Variants in NELL2 observed in about 807,000 individuals in gnomAD.
NELL2 encodes the protein protein kinase C-binding protein NELL2.
Under a neutral mutation model 109.6 loss-of-function variants are expected in NELL2, and 41 were observed. The ratio of observed to expected loss-of-function variants is 0.37; its 90% CI spans 0.29 to 0.49. NELL2 has a LOEUF of 0.49. Among genes scored for constraint, NELL2 ranks in the 20% least tolerant of loss-of-function variants. The pLI is 0.98. For synonymous variants in NELL2, 355 were observed against 344.7 expected (o/e 1.03, Z -0.33); for missense variants, 900 against 1,008.3 (o/e 0.89, Z 1.45).
At chr12:44,689,992 A>C (rs892689963) in intron 12 of NELL2, among the ~76,000 whole-genome samples, 2 of 152,212 alleles carry the variant, frequency 1.3e-5, no homozygotes, top group African/African-American at 4.8e-5. Flanking sequence ...AAAGACTCAA[A>C]AATAATTTTT....
intron 1 of NELL2, among the ~76,000 whole-genome samples, chr12:44,891,634 C>CT (rs2136869833): frequency 6.6e-6 from 1 of 151,152 alleles, no homozygotes; most frequent in Admixed American, 6.6e-5. Flanking sequence ...TTTTTTCCTC[C>CT]TGTGGGTCAT....
chr12:44,734,855 T>A (rs147535258), intron 9 of NELL2, among the ~76,000 whole-genome samples: 5 of 152,094 alleles, frequency 3.3e-5, no homozygotes, highest in Admixed American at 2.6e-4. Flanking sequence ...TTATAACTAA[T>A]TTTTTCAGCT....
At chr12:44,882,281 G>A (rs1394860019) in intron 1 of NELL2, among the ~76,000 whole-genome samples, 5 of 150,962 alleles carry the variant, frequency 3.3e-5, no homozygotes, top group East Asian at 3.9e-4. Context: ...CCATTGCTGC[G>A]GTAACAAATT....
chr12:44,875,735 G>C, intron 1 of NELL2, 80 bp downstream of exon 1: 2 of 1,609,714 alleles, frequency 1.2e-6, no homozygotes, highest in South Asian at 2.2e-5. Context: ...TCCGGGAAAA[G>C]CGAGGCTTCC....
chr12:44,686,685 C>T (rs188846684), intron 12 of NELL2, among the ~76,000 whole-genome samples: 2,169 of 151,756 alleles, frequency 0.014, 107 homozygotes, highest in African/African-American at 0.05. Flanking sequence ...TGTGAGGTGT[C>T]AGTCTGCCCC....
intron 12 of NELL2, among the ~76,000 whole-genome samples, chr12:44,683,713 G>A (rs1331743027): frequency 6.6e-6 from 1 of 152,102 alleles, no homozygotes; most frequent in Non-Finnish European, 1.5e-5. Flanking sequence ...TTTATATGCT[G>A]GATTACATTT....
chr12:44,694,238 G>A (rs1484527880), intron 12 of NELL2, among the ~76,000 whole-genome samples: 1 of 152,098 alleles, frequency 6.6e-6, no homozygotes, highest in Non-Finnish European at 1.5e-5. Flanking sequence ...ACAATCAATT[G>A]AAGACTTGAA....
At chr12:44,633,280 G>C (rs1288766466) in intron 13 of NELL2, among the ~76,000 whole-genome samples, 1 of 152,060 alleles carries the variant, frequency 6.6e-6, no homozygotes, top group Non-Finnish European at 1.5e-5. Context: ...AGAGAAAAAA[G>C]CCAGTTTACA....
chr12:44,803,046 T>A (rs1271767630), intron 3 of NELL2, among the ~76,000 whole-genome samples: 1 of 152,008 alleles, frequency 6.6e-6, no homozygotes, highest in Non-Finnish European at 1.5e-5. Context: ...GTAGGACAGG[T>A]TGACATAGTG....
chr12:44,682,581 G>C (rs1168762254), intron 12 of NELL2, among the ~76,000 whole-genome samples: 1 of 152,114 alleles, frequency 6.6e-6, no homozygotes, highest in Non-Finnish European at 1.5e-5. Context: ...AATCCATCTT[G>C]AATTGATTTT....
chr12:44,522,264 T>C (rs979700507), intron 17 of NELL2, 88 bp from the exon 18 acceptor site: 2 of 1,141,630 alleles, frequency 1.8e-6, no homozygotes, highest in African/African-American at 3.2e-5. Context: ...TTTCAGATGG[T>C]GACTTGGAAG....
At chr12:44,540,781 CAA>C (rs57205620) in intron 15 of NELL2, among the ~76,000 whole-genome samples, 3 of 49,744 alleles carry the variant, frequency 6.0e-5, no homozygotes, top group East Asian at 8.6e-4. Context: ...GTCTGCAAGC[CAA>C]AAAAAAAAAA....
chr12:44,833,034 G>C (rs1179972335), intron 2 of NELL2, among the ~76,000 whole-genome samples: 1 of 152,200 alleles, frequency 6.6e-6, no homozygotes, highest in Non-Finnish European at 1.5e-5. Context: ...ACCTTCCAGA[G>C]CTAAATGTAA....
At chr12:44,770,882 TATAA>T (rs1941520348) in intron 9 of NELL2, among the ~76,000 whole-genome samples, 2 of 152,094 alleles carry the variant, frequency 1.3e-5, no homozygotes, top group Admixed American at 6.6e-5. Flanking sequence ...CTACAATCAA[TATAA>T]ATAAATAAAT....
intron 2 of NELL2, among the ~76,000 whole-genome samples, chr12:44,839,593 T>C (rs1476145235): frequency 6.6e-6 from 1 of 152,228 alleles, no homozygotes; most frequent in Non-Finnish European, 1.5e-5. Flanking sequence ...AATACTAATA[T>C]GAAATGTGAT....
chr12:44,553,627 T>C (rs1943127829), intron 15 of NELL2, among the ~76,000 whole-genome samples: 1 of 152,186 alleles, frequency 6.6e-6, no homozygotes. Context: ...TTTGAAGGGA[T>C]GGATATTCCA....
At chr12:44,569,287 T>C (rs1009205668) in intron 15 of NELL2, among the ~76,000 whole-genome samples, 1 of 152,184 alleles carries the variant, frequency 6.6e-6, no homozygotes, top group Non-Finnish European at 1.5e-5. Flanking sequence ...CTACCATTAA[T>C]GAGTATTTAG....
chr12:44,893,336 C>T (rs573111002), intron 1 of NELL2, among the ~76,000 whole-genome samples: 5 of 151,822 alleles, frequency 3.3e-5, no homozygotes, highest in East Asian at 3.9e-4. Context: ...AAAGTTAATA[C>T]ATCAAGTCAT....
intron 19 of NELL2, among the ~76,000 whole-genome samples, chr12:44,518,675 T>C (rs1203540810): frequency 1.3e-5 from 2 of 152,210 alleles, no homozygotes; most frequent in African/African-American, 2.4e-5. Context: ...TATATTTTTG[T>C]CACTATTGCT....
Sources: allele counts gnomAD v4.1 joint callset (sites outside exome capture counted in the v4.1 genomes callset), GRCh38; gene constraint gnomAD v4.1.1; transcripts MANE v1.5; gene names NCBI Gene and HGNC (gene_info 2026-07-23, HGNC 2026-07-21).